OCA2: variants seen among roughly 807,000 people sequenced by gnomAD.
OCA2 encodes the protein P protein.
OCA2 carries 77 observed loss-of-function variants against 100.2 expected under a neutral mutation model. The ratio of observed to expected loss-of-function variants is 0.77; its 90% CI spans 0.64 to 0.93. The LOEUF (loss-of-function observed/expected upper bound fraction) is 0.93, where lower values mean the gene tolerates loss of function less well. OCA2 is among the 40% of genes least tolerant of loss of function. The pLI, the probability that OCA2 is intolerant of heterozygous loss-of-function variation, is 0.00. For synonymous variants in OCA2, 432 were observed against 439.2 expected, an observed-to-expected ratio of 0.98 and a Z score of 0.21; for missense variants, 1,062 against 1,089.1, an observed-to-expected ratio of 0.98 and a Z score of 0.35.
intron 23 of OCA2, among the ~76,000 whole-genome samples, chr15:27,809,131 G>C (rs1302261672): frequency 6.6e-6 from 1 of 152,160 alleles, no homozygotes; most frequent in Non-Finnish European, 1.5e-5. Flanking sequence ...GCTTCTTCCT[G>C]TGTGCTTGTT....
intron 21 of OCA2, among the ~76,000 whole-genome samples, chr15:27,856,861 G>A (rs551421413): frequency 6.6e-6 from 1 of 152,238 alleles, no homozygotes; most frequent in South Asian, 2.1e-4. Context: ...TAAATGGATG[G>A]CTCCAGCACT....
chr15:27,746,233 G>C, the OCA2 span, among the ~76,000 whole-genome samples: 13 of 152,154 alleles, frequency 8.5e-5, no homozygotes, highest in African/African-American at 2.9e-4. Flanking sequence ...CAAGGCAGGT[G>C]GATCACGGGG....
At chr15:27,879,008 C>T in intron 19 of OCA2, among the ~76,000 whole-genome samples, 1 of 152,034 alleles carries the variant, frequency 6.6e-6, no homozygotes, top group East Asian at 1.9e-4. Flanking sequence ...TTCTCCCTCC[C>T]CCTTTTCCCC....
intron 18 of OCA2, among the ~76,000 whole-genome samples, chr15:27,933,672 C>T (rs569029315): frequency 2.6e-5 from 4 of 152,226 alleles, no homozygotes; most frequent in South Asian, 2.1e-4. Context: ...GGAGTCACAA[C>T]GTGCATGCTG....
At chr15:27,763,544 C>G (rs764952017) in intron 23 of OCA2, among the ~76,000 whole-genome samples, 2 of 149,408 alleles carry the variant, frequency 1.3e-5, no homozygotes, top group Non-Finnish European at 2.9e-5. Flanking sequence ...AAAAAGATGC[C>G]TCACATCACT....
At chr15:27,944,713 C>G (rs2039772348) in intron 18 of OCA2, among the ~76,000 whole-genome samples, 1 of 152,166 alleles carries the variant, frequency 6.6e-6, no homozygotes, top group Admixed American at 6.5e-5. Context: ...TGGCAGCAAG[C>G]ACCCATTGCC....
At chr15:27,955,409 A>C (rs1001829577) in intron 16 of OCA2, among the ~76,000 whole-genome samples, 194 bp from the exon 17 acceptor site, 5 of 152,098 alleles carry the variant, frequency 3.3e-5, no homozygotes, top group African/African-American at 1.2e-4. Context: ...TTTCCCAAAA[A>C]AATACATATA....
intron 23 of OCA2, among the ~76,000 whole-genome samples, chr15:27,793,856 T>C (rs1355924376): frequency 6.6e-6 from 1 of 152,142 alleles, no homozygotes; most frequent in East Asian, 1.9e-4. Context: ...GGCTGGGAGA[T>C]GGCCCTCCTG....
At chr15:27,766,966 C>A (rs890210638) in intron 23 of OCA2, among the ~76,000 whole-genome samples, 2 of 152,206 alleles carry the variant, frequency 1.3e-5, no homozygotes, top group African/African-American at 4.8e-5. Context: ...CCTCAATAAA[C>A]CTTACGTCTC....
chr15:28,032,395 G>A lies in OCA2; in HGVS notation c.228-232C>T, dbSNP rs150761433. Reference sequence around the variant, plus strand: ...ATGCATGGCAGAAACTCGCACAGGAGACCAAATACTATGGGATGACACTTT... The same window carrying A: ...ATGCATGGCAGAAACTCGCACAGGAAACCAAATACTATGGGATGACACTTT... On this transcript the variant is annotated intron_variant, in intron 2 of 23. Transcript: ENST00000354638. Among the ~76,000 whole-genome samples the A allele has an allele frequency of 2.9e-3, 437 of 152,264 alleles. 1 individual carries two copies. Among genetic ancestry groups the A allele is most frequent in the African/African-American group, 9.9e-3 (411 of 41,564 alleles).
rs1164377670 is a variant in OCA2, at chr15:28,081,904, G to C, written c.-21-9C>G. On this transcript the variant is annotated splice_polypyrimidine_tract_variant and intron_variant, in intron 1 of 23. Coordinates refer to ENST00000354638, the MANE Select transcript of OCA2 (RefSeq NM_000275.3). Reference sequence around the variant, plus strand: ...CACTGCCAGTCTTCTCTCTAGGGCAGCCAGAAAGAAACCACTCTTCATGAA... The same window carrying C: ...CACTGCCAGTCTTCTCTCTAGGGCACCCAGAAAGAAACCACTCTTCATGAA... The C allele has an allele frequency of 1.3e-6, 2 of 1,589,792 alleles. No individual in the cohort carries two copies. Among genetic ancestry groups the C allele is most frequent in the South Asian group, 2.3e-5 (2 of 88,818 alleles).
At chr15:27,904,961 C>T (rs57724926) in intron 19 of OCA2, among the ~76,000 whole-genome samples, 35,291 of 152,004 alleles carry the variant, frequency 0.23, 4,849 homozygotes, top group East Asian at 0.62. Context: ...GTCAGGAGTT[C>T]GAGACCAGAC....
At chr15:28,004,358 G>A (rs1318395290) in intron 9 of OCA2, among the ~76,000 whole-genome samples, 2 of 152,184 alleles carry the variant, frequency 1.3e-5, no homozygotes, top group African/African-American at 4.8e-5. Context: ...CAGAGCACGC[G>A]CTCTGGAAAC....
intron 19 of OCA2, among the ~76,000 whole-genome samples, chr15:27,882,715 T>G (rs2037070269): frequency 6.6e-6 from 1 of 152,228 alleles, no homozygotes; most frequent in Non-Finnish European, 1.5e-5. Flanking sequence ...ACTTATAAAC[T>G]AATTGGCTTC....
chr15:27,722,802 T>TCTCTCTC, the OCA2 span, among the ~76,000 whole-genome samples: 1 of 39,498 alleles, frequency 2.5e-5, no homozygotes, highest in Non-Finnish European at 6.0e-5. Context: ...CTCTCTCTCT[T>TCTCTCTC]TCTCTCTCTC....
intron 19 of OCA2, among the ~76,000 whole-genome samples, chr15:27,900,804 G>C (rs1267342812): frequency 2.6e-5 from 4 of 152,198 alleles, no homozygotes; most frequent in Non-Finnish European, 5.9e-5. Flanking sequence ...CATTCCAGTA[G>C]TCCCAGTTCA....
intron 4 of OCA2, among the ~76,000 whole-genome samples, chr15:28,026,562 T>C (rs1230727084): frequency 1.3e-5 from 2 of 152,300 alleles, no homozygotes; most frequent in Non-Finnish European, 2.9e-5. Context: ...GACAGCTCCA[T>C]GTCAAGCAGC....
At chr15:27,824,604 A>C (rs11274488) in intron 23 of OCA2, among the ~76,000 whole-genome samples, 15,837 of 35,270 alleles carry the variant, frequency 0.45, 2,379 homozygotes, top group Non-Finnish European at 0.48. Context: ...CTCTCTCTCT[A>C]TATATATATA....
intron 14 of OCA2, among the ~76,000 whole-genome samples, chr15:27,977,517 A>C (rs1176795944): frequency 6.6e-6 from 1 of 152,158 alleles, no homozygotes; most frequent in African/African-American, 2.4e-5. Flanking sequence ...TACAGCCCAC[A>C]CGTCTATAAA....
Sources: gnomAD v4.1 joint callset for allele counts (sites outside exome capture counted in the v4.1 genomes callset) on GRCh38, gnomAD v4.1.1 for gene constraint, MANE v1.5 for transcripts, NCBI Gene and HGNC (gene_info 2026-07-23, HGNC 2026-07-21) for gene names.